PINLYP: variants seen among roughly 807,000 people sequenced by gnomAD.
PINLYP encodes phospholipase A2 inhibitor and LY6/PLAUR domain containing.
A neutral mutation model predicts 15.8 loss-of-function variants in PINLYP; 12 were observed. The observed-to-expected ratio is 0.76, with a 90% CI of 0.49 to 1.23. The LOEUF is 1.23. PINLYP is among the 50% of genes most tolerant of loss of function. The pLI, the probability that PINLYP is intolerant of heterozygous loss-of-function variation, is 0.00. For synonymous variants in PINLYP, 93 were observed against 97.7 expected (o/e 0.95, Z 0.28); for missense variants, 278 against 264.2 (o/e 1.05, Z -0.36).
chr19:43,577,929 T>A (rs559503426), intron 2 of PINLYP, among the ~76,000 whole-genome samples: 1 of 152,072 alleles, frequency 6.6e-6, no homozygotes, highest in Non-Finnish European at 1.5e-5. Context: ...ATTAATATCA[T>A]ATGATATATT....
intron 3 of PINLYP, 44 bp downstream of exon 3, chr19:43,578,750 C>A (rs566643557): frequency 2.1e-6 from 3 of 1,432,044 alleles, no homozygotes; most frequent in Admixed American, 3.9e-5. Context: ...GTGGGGTGTA[C>A]CTTCAGGGTG....
At chr19:43,579,404 C>G (rs1001905651) in intron 3 of PINLYP, among the ~76,000 whole-genome samples, 4 of 151,792 alleles carry the variant, frequency 2.6e-5, no homozygotes, top group Non-Finnish European at 5.9e-5. Context: ...TGCCACCACA[C>G]CTGGCTAATT....
In PINLYP at chr19:43,581,543, C is replaced by T; in HGVS notation, c.341-20C>T. ...GGCTTAAACATCCCTATTCACCTTACACTTCATCCTCATCCTCAGTTCCCT... is the reference window on the plus strand; with the variant it reads ...GGCTTAAACATCCCTATTCACCTTATACTTCATCCTCATCCTCAGTTCCCT... On this transcript the variant is annotated intron_variant, in intron 4 of 5. Transcript: ENST00000599207. 6 of 1,531,124 alleles carry T rather than the reference C, an allele frequency of 3.9e-6. No individual in the cohort carries two copies. Among genetic ancestry groups the T allele is most frequent in the African/African-American group, 1.4e-5 (1 of 73,108 alleles). The allele number at this position is 1,531,124 out of a possible 1,614,324, so 94.8% of individuals were successfully genotyped here.
exon 1 of PINLYP, chr19:43,576,746 G>A (rs1028246204): frequency 5.5e-6 from 1 of 180,488 alleles, no homozygotes; most frequent in African/African-American, 2.4e-5. Context: ...GACCAGCCTG[G>A]ACATGCTGGG....
chr19:43,577,719 A>G (rs1342148501), intron 2 of PINLYP, among the ~76,000 whole-genome samples: 2 of 151,440 alleles, frequency 1.3e-5, no homozygotes. Flanking sequence ...CCTGGCCAAC[A>G]TGGTGAAACC....
At position 43,578,693 on chromosome 19, in the gene PINLYP, GAAGGCTACTTCAAGTAA is replaced by G. The variant is rs1972894761; in HGVS notation, c.175_187+4del. ...AGGACACATGTGTGCTCCTGGTCGGGAAGGCTACTTCAAGTAAGAGGATGTGGCCTGGGACCTGGTGG... is the reference window on the plus strand; with the variant it reads ...AGGACACATGTGTGCTCCTGGTCGGGGAGGATGTGGCCTGGGACCTGGTGG... On this transcript the variant is annotated splice_donor_variant and splice_donor_region_variant and coding_sequence_variant and intron_variant, in exon 3 of 6. Coordinates refer to ENST00000599207, the Ensembl canonical transcript of PINLYP. LOFTEE classifies it high-confidence loss of function. 1 of 1,535,822 alleles carries G rather than the reference GAAGGCTACTTCAAGTAA, an allele frequency of 6.5e-7. No homozygotes were observed. Among genetic ancestry groups the G allele is most frequent in the East Asian group, 2.4e-5 (1 of 40,908 alleles).
At chr19:43,578,626 G>A (rs1339038072) in exon 3 of PINLYP, 2 of 1,535,868 alleles carry the variant, frequency 1.3e-6, no homozygotes, top group Admixed American at 3.9e-5. Flanking sequence ...ACGGCGGCGG[G>A]GAGCAGGTGC....
chr19:43,580,461 C>G lies in PINLYP; in HGVS notation c.188-751C>G, dbSNP rs974952191. The G allele has an allele frequency of 5.6e-6, 5 of 892,192 alleles. No homozygotes were observed. The African/African-American group carries it at 7.3e-5, about 13-fold the overall frequency. The allele number at this position is 892,192 out of a possible 1,614,324, so 55.3% of individuals were successfully genotyped here. A position where few individuals can be genotyped will look rare whatever the true frequency, so the allele number is the denominator to read the frequency against. ...TGGCAGGATCTGAGAGAGGAGGATG[C>G]CTGTTGCTGGGACCGGGGTTCATTG... On this transcript the variant is annotated intron_variant, in intron 3 of 5. Transcript: ENST00000599207.
intron 3 of PINLYP, chr19:43,580,660 G>C (rs1972919518): frequency 1.0e-6 from 1 of 985,960 alleles, no homozygotes. Flanking sequence ...ACCACATCCA[G>C]CAGGCTGAGG....
Position 43,578,712 on chromosome 19 carries a change from A to G in PINLYP, c.187+6A>G. 1 of 1,532,946 alleles carries G rather than the reference A, an allele frequency of 6.5e-7. No homozygotes were observed. Among genetic ancestry groups the G allele is most frequent in the South Asian group, 1.2e-5 (1 of 83,982 alleles). 95.0% of individuals were successfully genotyped at this position (1,532,946 alleles called of 1,614,324 possible). On this transcript the variant is annotated splice_donor_region_variant and intron_variant, in intron 3 of 5. Coordinates refer to ENST00000599207, the Ensembl canonical transcript of PINLYP. The stretch of plus-strand genomic sequence containing the variant: ...GGTCGGGAAGGCTACTTCAAGTAAG[A>G]GGATGTGGCCTGGGACCTGGTGGGG...
chr19:43,577,732 G>A (rs1369206070), intron 2 of PINLYP, among the ~76,000 whole-genome samples: 1 of 151,914 alleles, frequency 6.6e-6, no homozygotes, highest in South Asian at 2.1e-4. Flanking sequence ...GTGAAACCCC[G>A]TCTTTACTAA....
intron 3 of PINLYP, chr19:43,580,712 G>A: frequency 2.0e-6 from 2 of 982,442 alleles, no homozygotes; most frequent in Non-Finnish European, 2.4e-6. Flanking sequence ...AGGCCGACTA[G>A]GGGCTATGGC....
At chr19:43,580,286 G>C (rs562642412) in intron 3 of PINLYP, 1 of 153,548 alleles carries the variant, frequency 6.5e-6, no homozygotes, top group Admixed American at 6.5e-5. Flanking sequence ...ATGGAGTGAA[G>C]GGGGAACCTG....
intron 3 of PINLYP, chr19:43,580,898 T>G (rs1304395963): frequency 7.4e-6 from 2 of 271,296 alleles, no homozygotes; most frequent in African/African-American, 4.6e-5. Flanking sequence ...GGTCAGGAGT[T>G]GGAGACCAGC....
intron 3 of PINLYP, chr19:43,580,484 T>C (rs893816998): frequency 6.2e-6 from 6 of 974,946 alleles, no homozygotes; most frequent in African/African-American, 1.8e-5. Flanking sequence ...CCGGGGTTCA[T>C]TGGAAGAGAC....
At chr19:43,578,505 C>A in intron 2 of PINLYP, 85 bp from the exon 3 acceptor site, 1 of 952,414 alleles carries the variant, frequency 1.0e-6, no homozygotes, top group Non-Finnish European at 1.6e-6. Flanking sequence ...CCTCCTCTCT[C>A]AGGACACAAA....
At chr19:43,581,770 G>C in intron 5 of PINLYP, 67 bp downstream of exon 5, 2 of 1,533,902 alleles carry the variant, frequency 1.3e-6, no homozygotes, top group Non-Finnish European at 1.7e-6. Context: ...GGTTCGATGG[G>C]AGGAGAGGGT....
chr19:43,578,661 A>C lies in PINLYP; in HGVS notation c.142A>C (p.Ser48Arg), dbSNP rs1454918745. ...CCATGGCCAAATGAAGACCTGCAGC[A>C]GTGACAAGGACACATGTGTGCTCCT... is the stretch of plus-strand genomic sequence containing the variant. The change falls in exon 3 of 6, where the codon AGT becomes CGT. Residue 48 changes from serine to arginine, a missense_variant. By Grantham distance (110) the Ser-to-Arg change is moderately radical (BLOSUM62 -1). Transcript: ENST00000599207. 2.0e-6 allele frequency: 3 copies of C among 1,536,040 alleles called. No individual in the cohort carries two copies. In the African/African-American group the frequency reaches 4.1e-5, roughly 21 times the overall value.
intron 2 of PINLYP, among the ~76,000 whole-genome samples, chr19:43,577,799 G>C (rs1343583438): frequency 1.3e-5 from 2 of 152,032 alleles, no homozygotes; most frequent in Admixed American, 6.6e-5. Context: ...CTAGCTACTT[G>C]GGAGGCTGAG....
Sources: gnomAD v4.1 joint callset for allele counts (sites outside exome capture counted in the v4.1 genomes callset) on GRCh38, gnomAD v4.1.1 for gene constraint, MANE v1.5 for transcripts, NCBI Gene and HGNC (gene_info 2026-07-23, HGNC 2026-07-21) for gene names.